Variants in KCNE3 observed in about 807,000 individuals in gnomAD.
The protein encoded by KCNE3 is potassium voltage-gated channel subfamily E regulatory subunit 3.
In KCNE3, 2 loss-of-function variants were observed where a neutral mutation model predicts 4.3. The ratio of observed to expected loss-of-function variants is 0.47; its 90% confidence interval spans 0.19 to 1.48. KCNE3 has a LOEUF of 1.48. Ranked by LOEUF, KCNE3 falls within the 40% of genes most tolerant of loss-of-function variation. The pLI, the probability that KCNE3 is intolerant of heterozygous loss-of-function variation, is 0.25. For synonymous variants in KCNE3, 47 were observed against 52.0 expected, an observed-to-expected ratio of 0.90 and a Z score of 0.41; for missense variants, 128 against 136.8, an observed-to-expected ratio of 0.94 and a Z score of 0.32.
intron 1 of KCNE3, among the ~76,000 whole-genome samples, chr11:74,465,851 C>A (rs375112507): frequency 2.6e-5 from 4 of 152,278 alleles, no homozygotes; most frequent in South Asian, 4.1e-4. Flanking sequence ...AGGCTGGTCA[C>A]ACTGTTTTCC....
At chr11:74,464,704 A>G (rs757513886) in intron 1 of KCNE3, among the ~76,000 whole-genome samples, 23 of 152,192 alleles carry the variant, frequency 1.5e-4, no homozygotes, top group African/African-American at 2.4e-4. Flanking sequence ...CCTTTCCACT[A>G]TAAGTTCCCT....
rs1863778481 is a variant in KCNE3 at position 74,455,038 on chromosome 11, T to G, written c.*2214A>C. ...TGCAGAGCATCAACATAACTGCATA[T>G]GGCAGCAAATGTGTTCCATGATCCT... On this transcript the variant is annotated 3_prime_UTR_variant, in exon 3 of 3. Transcript: ENST00000310128. The G allele has an allele frequency of 6.6e-6, 1 of 152,208 alleles. No individual in the cohort carries two copies. The highest frequency in any genetic ancestry group is 1.5e-5 in the Non-Finnish European group (1 of 68,030). 9.4% of individuals were successfully genotyped at this position (152,208 alleles called of 1,614,324 possible). A position where few individuals can be genotyped will look rare whatever the true frequency, so the allele number is the denominator to read the frequency against.
At chr11:74,459,912 C>T (rs1428516858) in intron 2 of KCNE3, among the ~76,000 whole-genome samples, 1 of 152,132 alleles carries the variant, frequency 6.6e-6, no homozygotes, top group Non-Finnish European at 1.5e-5. Flanking sequence ...TGGCTGGGTG[C>T]TCTCCTTCTC....
In KCNE3 at chr11:74,455,433, C is replaced by T. The variant is rs970091489; in HGVS notation, c.*1819G>A. The T allele has an allele frequency of 6.6e-6, 1 of 152,208 alleles. No individual in the cohort carries two copies. The highest frequency in any genetic ancestry group is 1.5e-5 in the Non-Finnish European group (1 of 68,046). The allele number at this position is 152,208 out of a possible 1,614,324, so 9.4% of individuals were successfully genotyped here. On this transcript the variant is annotated 3_prime_UTR_variant, in exon 3 of 3. Coordinates refer to ENST00000310128, the MANE Select transcript of KCNE3 (RefSeq NM_005472.5). ...GTATTAGCTGGAACCATATATGAAA[C>T]TACGATACTCAGCTGTTTCTAACCT...
chr11:74,457,607 G>C lies in KCNE3; in HGVS notation c.-40-4C>G, dbSNP rs1403341381. The C allele has an allele frequency of 6.3e-7, 1 of 1,581,438 alleles. No homozygotes were observed. The highest frequency in any genetic ancestry group is 2.2e-5 in the East Asian group (1 of 44,696). ...GGGGGAAGACTCGGTAGAAGCTCTG[G>C]TGGCAAAAGAAAAGAGAGAGGGGAT... On this transcript the variant is annotated splice_polypyrimidine_tract_variant and splice_region_variant and intron_variant, in intron 2 of 2. Coordinates refer to ENST00000310128, the MANE Select transcript of KCNE3 (RefSeq NM_005472.5).
intron 2 of KCNE3, among the ~76,000 whole-genome samples, chr11:74,460,688 G>A (rs542066364): frequency 1.8e-4 from 28 of 152,340 alleles, no homozygotes; most frequent in African/African-American, 6.7e-4. Flanking sequence ...TAGGATGTGG[G>A]GCAGGAGAGA....
At chr11:74,465,383 G>A (rs936782779) in intron 1 of KCNE3, among the ~76,000 whole-genome samples, 1 of 152,156 alleles carries the variant, frequency 6.6e-6, no homozygotes, top group Non-Finnish European at 1.5e-5. Flanking sequence ...GGGAAGGGAT[G>A]GCTCAAAGAA....
chr11:74,459,621 C>T (rs892635724), intron 2 of KCNE3, among the ~76,000 whole-genome samples: 4 of 152,076 alleles, frequency 2.6e-5, no homozygotes, highest in Non-Finnish European at 5.9e-5. Context: ...ATAAACAAGG[C>T]CCCACACTCA....
intron 2 of KCNE3, among the ~76,000 whole-genome samples, chr11:74,457,928 C>T (rs1446189796): frequency 6.6e-6 from 1 of 152,228 alleles, no homozygotes; most frequent in East Asian, 1.9e-4. Flanking sequence ...TGTGCCTTTG[C>T]TCCTCCTTTG....
intron 2 of KCNE3, among the ~76,000 whole-genome samples, chr11:74,459,412 C>A (rs1009863873): frequency 1.3e-5 from 2 of 151,968 alleles, no homozygotes; most frequent in African/African-American, 4.8e-5. Flanking sequence ...CAGGCGCCCG[C>A]CATCACGCCA....
At chr11:74,463,210 G>A (rs992755920) in intron 1 of KCNE3, among the ~76,000 whole-genome samples, 1 of 152,042 alleles carries the variant, frequency 6.6e-6, no homozygotes, top group Non-Finnish European at 1.5e-5. Flanking sequence ...GGGCTTTGAG[G>A]CAGGGTTCCA....
intron 2 of KCNE3, among the ~76,000 whole-genome samples, chr11:74,459,483 C>T (rs1272163928): frequency 3.3e-5 from 5 of 151,946 alleles, no homozygotes; most frequent in Admixed American, 2.0e-4. Context: ...AGGATGGTCT[C>T]GATCTCCTGA....
At chr11:74,459,313 G>A (rs1293669812) in intron 2 of KCNE3, among the ~76,000 whole-genome samples, 4 of 133,984 alleles carry the variant, frequency 3.0e-5, no homozygotes, top group Middle Eastern at 0.01. Flanking sequence ...CCAGGCTGCA[G>A]TGCAGTGGCG....
chr11:74,466,466 G>A (rs148573716), intron 1 of KCNE3, among the ~76,000 whole-genome samples: 4 of 152,298 alleles, frequency 2.6e-5, no homozygotes, highest in African/African-American at 9.6e-5. Context: ...GAGCTCACAC[G>A]TTTACAACAT....
intron 1 of KCNE3, among the ~76,000 whole-genome samples, chr11:74,466,033 C>G (rs1173995787): frequency 6.6e-6 from 1 of 152,158 alleles, no homozygotes; most frequent in Admixed American, 6.5e-5. Flanking sequence ...TTCCTACCCT[C>G]TATGATCATT....
intron 1 of KCNE3, among the ~76,000 whole-genome samples, chr11:74,464,089 T>C (rs1165807611): frequency 6.6e-6 from 1 of 152,216 alleles, no homozygotes; most frequent in Non-Finnish European, 1.5e-5. Flanking sequence ...CCAGGTTCAC[T>C]CTCTGTTCCT....
chr11:74,465,116 G>C (rs1434274603), intron 1 of KCNE3, among the ~76,000 whole-genome samples: 1 of 151,642 alleles, frequency 6.6e-6, no homozygotes, highest in African/African-American at 2.4e-5. Context: ...GTGTGTGTGT[G>C]TGTGTGTGTA....
rs1177488757 is a variant in KCNE3, at chr11:74,458,787, T to TA, written c.-40-1185dup. On this transcript the variant is annotated intron_variant, in intron 2 of 2. Coordinates refer to ENST00000310128, the MANE Select transcript of KCNE3 (RefSeq NM_005472.5). ...AGGTGGAGGTTGCAGTGAGCCAAGA[T>TA]AGAGCCACTGCACTCCAGCCTGGGC... Among the ~76,000 whole-genome samples the TA allele has an allele frequency of 4.0e-5, 6 of 150,856 alleles. No homozygotes were observed. The East Asian group carries it at 1.2e-3, about 29-fold the overall frequency.
chr11:74,465,387 C>T (rs1263303745), intron 1 of KCNE3, among the ~76,000 whole-genome samples: 1 of 152,096 alleles, frequency 6.6e-6, no homozygotes, highest in African/African-American at 2.4e-5. Flanking sequence ...AGGGATGGCT[C>T]AAAGAAAAGA....
Sources: allele counts gnomAD v4.1 joint callset (sites outside exome capture counted in the v4.1 genomes callset), GRCh38; gene constraint gnomAD v4.1.1; transcripts MANE v1.5; gene names NCBI Gene and HGNC (gene_info 2026-07-23, HGNC 2026-07-21).